Variants in ITGB3 observed in about 807,000 individuals in gnomAD.
The protein encoded by ITGB3 is integrin subunit beta 3, also known as integrin beta-3.
ITGB3 carries 48 observed loss-of-function variants against 85.8 expected under a neutral mutation model. The observed-to-expected ratio is 0.56, with a 90% CI of 0.44 to 0.71. ITGB3 has a LOEUF of 0.71. ITGB3 is among the 30% of genes least tolerant of loss of function. The probability of loss-of-function intolerance (pLI) is 0.00; values close to 1 mark genes in which losing one functional copy is unlikely to be tolerated. For missense variants in ITGB3, 861 were observed against 1,019.1 expected (o/e 0.84, Z 2.11); for synonymous variants, 363 against 395.6 (o/e 0.92, Z 0.98).
At chr17:47,290,672 C>T in intron 8 of ITGB3, among the ~76,000 whole-genome samples, 1 of 152,082 alleles carries the variant, frequency 6.6e-6, no homozygotes, top group South Asian at 2.1e-4. Flanking sequence ...ATTGGCACTC[C>T]CCTTTTGCAA....
At chr17:47,271,196 C>T (rs1372139122) in intron 1 of ITGB3, among the ~76,000 whole-genome samples, 2 of 152,178 alleles carry the variant, frequency 1.3e-5, no homozygotes, top group African/African-American at 4.8e-5. Flanking sequence ...TTAAATGATT[C>T]ACCCATGGCC....
rs562342714 is a variant in ITGB3 at position 47,293,588 on chromosome 17, C to T, written c.1690+1020C>T. On this transcript the variant is annotated intron_variant, in intron 10 of 14. Coordinates refer to ENST00000559488, the MANE Select transcript of ITGB3 (RefSeq NM_000212.3). ...TGTTTTCTGGGGATGACCCTTGACT[C>T]AGATTGGCTTCATTGGCATTGGGGT... 6.6e-5 allele frequency among the ~76,000 whole-genome samples: 10 copies of T among 151,700 alleles called. No individual in the cohort carries two copies. In the South Asian group the frequency reaches 1.9e-3, roughly 28 times the overall value.
chr17:47,269,803 T>C (rs2065038013), intron 1 of ITGB3, among the ~76,000 whole-genome samples: 1 of 152,212 alleles, frequency 6.6e-6, no homozygotes, highest in South Asian at 2.1e-4. Context: ...GGTATCCTTA[T>C]AGCAGCACTC....
At chr17:47,266,352 C>T (rs1288544412) in intron 1 of ITGB3, among the ~76,000 whole-genome samples, 1 of 152,174 alleles carries the variant, frequency 6.6e-6, no homozygotes, top group African/African-American at 2.4e-5. Flanking sequence ...TCCTACAGTC[C>T]AGCATCCTGT....
At chr17:47,255,737 G>A (rs892669598) in intron 1 of ITGB3, among the ~76,000 whole-genome samples, 5 of 152,182 alleles carry the variant, frequency 3.3e-5, no homozygotes, top group African/African-American at 1.2e-4. Context: ...TCTTGAAGGA[G>A]GGATTACAGT....
In ITGB3 at chr17:47,292,534, C is replaced by G; in HGVS notation, c.1656C>G (p.Phe552Leu). Residue 552 changes from phenylalanine to leucine, a missense_variant, in exon 10 of 15, where the codon TTC becomes TTG. Phe to Leu is a conservative substitution (Grantham distance 22, BLOSUM62 0). Coordinates refer to ENST00000559488, the MANE Select transcript of ITGB3 (RefSeq NM_000212.3). ...ITGKYCECDD[F>L]SCVRYKGEMC... ...GCAAGTACTGCGAGTGTGACGACTT[C>G]TCCTGTGTCCGCTACAAGGGGGAGA... The G allele has an allele frequency of 1.2e-6, 2 of 1,602,748 alleles. No individual in the cohort carries two copies. Among genetic ancestry groups the G allele is most frequent in the Non-Finnish European group, 1.7e-6 (2 of 1,179,896 alleles).
chr17:47,310,638 T>G lies in ITGB3; in HGVS notation c.*434T>G, dbSNP rs1049207905. On this transcript the variant is annotated 3_prime_UTR_variant, in exon 15 of 15. Coordinates refer to ENST00000559488, the MANE Select transcript of ITGB3 (RefSeq NM_000212.3). ...TTCCAGAGGAAGGGACACCAAGCCT[T>G]GGCTCTACCCTGAGTTCATAAATTT... The G allele has an allele frequency of 3.4e-6, 1 of 298,444 alleles. No individual in the cohort carries two copies. The highest frequency in any genetic ancestry group is 2.2e-5 in the African/African-American group (1 of 46,284). 18.5% of individuals were successfully genotyped at this position (298,444 alleles called of 1,614,324 possible).
At chr17:47,295,942 G>A (rs1287672047) in intron 10 of ITGB3, among the ~76,000 whole-genome samples, 1 of 152,246 alleles carries the variant, frequency 6.6e-6, no homozygotes, top group African/African-American at 2.4e-5. Flanking sequence ...GGTTACTCAA[G>A]GCTAGACTCT....
chr17:47,268,217 G>C (rs1320850313), intron 1 of ITGB3, among the ~76,000 whole-genome samples: 1 of 152,052 alleles, frequency 6.6e-6, no homozygotes, highest in Non-Finnish European at 1.5e-5. Flanking sequence ...AGGAGATTTG[G>C]GGGGTGGGGC....
chr17:47,276,514 G>A (rs1009974735), intron 2 of ITGB3, among the ~76,000 whole-genome samples: 33 of 152,300 alleles, frequency 2.2e-4, no homozygotes, highest in Admixed American at 1.6e-3. Flanking sequence ...GGAAATGGGC[G>A]CAGCTAGGAC....
intron 8 of ITGB3, 94 bp from the exon 9 acceptor site, chr17:47,290,860 C>A: frequency 6.8e-7 from 1 of 1,464,434 alleles, no homozygotes; most frequent in Non-Finnish European, 9.5e-7. Context: ...TCCAGAGCTA[C>A]TTGCCAGATT....
At chr17:47,260,620 G>T (rs1429999094) in intron 1 of ITGB3, among the ~76,000 whole-genome samples, 1 of 152,126 alleles carries the variant, frequency 6.6e-6, no homozygotes, top group African/African-American at 2.4e-5. Context: ...GCCATCGCAC[G>T]TGTTGAACTC....
In ITGB3 at chr17:47,307,493, C is replaced by G. The variant is rs1401040956; in HGVS notation, c.2157C>G (p.Ile719Met). Residue 719 changes from isoleucine (I) to methionine (M), a missense_variant, in exon 14 of 15, where the codon ATC (isoleucine) becomes ATG (methionine). By Grantham distance (10) the Ile-to-Met change is conservative. Coordinates refer to ENST00000559488, the MANE Select transcript of ITGB3 (RefSeq NM_000212.3). Reference sequence around the variant, plus strand: ...CAGAGTGTCCCAAGGGCCCTGACATCCTGGTGGTCCTGCTCTCAGTGATGG... The same window carrying G: ...CAGAGTGTCCCAAGGGCCCTGACATGCTGGTGGTCCTGCTCTCAGTGATGG... ...EEPECPKGPD[I>M]LVVLLSVMGA... is the part of the protein sequence containing the mutation. 2 of 1,614,142 alleles carry G rather than the reference C, an allele frequency of 1.2e-6. No individual in the cohort carries two copies. The highest frequency in any genetic ancestry group is 4.5e-5 in the East Asian group (2 of 44,886).
rs975039988 is a variant in ITGB3 at position 47,284,785 on chromosome 17, G to A, written c.614+90G>A. 5.1e-6 allele frequency: 8 copies of A among 1,554,798 alleles called. No individual in the cohort carries two copies. The African/African-American group carries it at 1.1e-4, about 21-fold the overall frequency. On this transcript the variant is annotated intron_variant, in intron 4 of 14. Transcript: ENST00000559488. Reference sequence around the variant, plus strand: ...CTATTTCTAGCTCTAGGATCACTTTGTTGGCTGTCTTCTTGCCAAACTATA... The same window carrying A: ...CTATTTCTAGCTCTAGGATCACTTTATTGGCTGTCTTCTTGCCAAACTATA...
rs2065210280 is a variant in ITGB3 at position 47,310,580 on chromosome 17, C to T, written c.*376C>T. The T allele has an allele frequency of 2.8e-6, 1 of 355,054 alleles. No homozygotes were observed. The highest frequency in any genetic ancestry group is 3.8e-5 in the Admixed American group (1 of 26,594). The allele number at this position is 355,054 out of a possible 1,614,324, so 22.0% of individuals were successfully genotyped here. A position where few individuals can be genotyped will look rare whatever the true frequency, so the allele number is the denominator to read the frequency against. ...CCAGCTTTCCTCATCAGGCCATTGTCCCTGAAGAGAAGGGCAGGGCTGAGG... is the reference window on the plus strand; with the variant it reads ...CCAGCTTTCCTCATCAGGCCATTGTTCCTGAAGAGAAGGGCAGGGCTGAGG... On this transcript the variant is annotated 3_prime_UTR_variant, in exon 15 of 15. Transcript: ENST00000559488.
chr17:47,308,083 T>G (rs1275291734), intron 14 of ITGB3, among the ~76,000 whole-genome samples: 2 of 151,388 alleles, frequency 1.3e-5, no homozygotes, highest in Middle Eastern at 3.4e-3. Flanking sequence ...GGAGGATTGC[T>G]TGAACCCAGT....
At chr17:47,266,750 A>T (rs1280775308) in intron 1 of ITGB3, among the ~76,000 whole-genome samples, 1 of 151,912 alleles carries the variant, frequency 6.6e-6, no homozygotes, top group South Asian at 2.1e-4. Flanking sequence ...GCTAATTTTT[A>T]AAAAAATTTT....
chr17:47,287,308 A>G (rs2065106502), intron 6 of ITGB3, 77 bp downstream of exon 6: 1 of 1,555,660 alleles, frequency 6.4e-7, no homozygotes. Flanking sequence ...GTCTGTGTGA[A>G]TATGAAAATG....
chr17:47,307,781 A>G, intron 14 of ITGB3, 144 bp downstream of exon 14: 1 of 801,464 alleles, frequency 1.2e-6, no homozygotes, highest in Non-Finnish European at 2.1e-6. Flanking sequence ...AGATGGTCTC[A>G]CTATCCCCTT....
Sources: allele counts gnomAD v4.1 joint callset (sites outside exome capture counted in the v4.1 genomes callset), GRCh38; gene constraint gnomAD v4.1.1; transcripts MANE v1.5; gene names NCBI Gene and HGNC (gene_info 2026-07-23, HGNC 2026-07-21).